The following COPS7B variants were observed in gnomAD, a reference collection of about 807,000 sequenced individuals.
The protein encoded by COPS7B is COP9 signalosome complex subunit 7b.
COPS7B carries 9 observed loss-of-function variants against 33.4 expected under a neutral mutation model. The ratio of observed to expected loss-of-function variants is 0.27; its 90% CI spans 0.16 to 0.47. The LOEUF (loss-of-function observed/expected upper bound fraction) is 0.47. Ranked by LOEUF, COPS7B falls within the 20% of genes least tolerant of loss-of-function variation. COPS7B has a pLI of 0.99. For missense variants in COPS7B, 242 were observed against 318.2 expected (o/e 0.76, Z 1.82); for synonymous variants, 119 against 126.3 (o/e 0.94, Z 0.39).
At chr2:231,784,546 A>T (rs997072560), upstream of COPS7B, among the ~76,000 whole-genome samples, 1 of 152,258 alleles carries the variant, frequency 6.6e-6, no homozygotes, top group Middle Eastern at 3.4e-3. Flanking sequence ...ACATTGTTCT[A>T]GAGGAAGTAG....
chr2:231,789,030 TAGG>T, intron 2 of COPS7B: 1 of 281,716 alleles, frequency 3.5e-6, no homozygotes, highest in Non-Finnish European at 6.8e-6. Context: ...GGCTGTTTAA[TAGG>T]AGTAGATTCA....
chr2:231,781,710 C>T (rs192163215), upstream of COPS7B: 10 of 817,960 alleles, frequency 1.2e-5, no homozygotes, highest in African/African-American at 1.5e-4. Context: ...GTAACTTAGA[C>T]TCCAGTGTGC....
At chr2:231,805,439 TTA>T (rs1321837462) in intron 6 of COPS7B, among the ~76,000 whole-genome samples, 10 of 126,072 alleles carry the variant, frequency 7.9e-5, no homozygotes, top group African/African-American at 3.0e-4. Context: ...ATATTTTTTT[TTA>T]AATTTTATAT....
At chr2:231,796,342 T>G in intron 5 of COPS7B, 34 bp downstream of exon 5, 1 of 1,594,668 alleles carries the variant, frequency 6.3e-7, no homozygotes. Flanking sequence ...ATATCTAGCA[T>G]GTCTTTTGTG....
intron 6 of COPS7B, among the ~76,000 whole-genome samples, chr2:231,805,468 A>ATT (rs2049868428): frequency 7.9e-6 from 1 of 126,922 alleles, no homozygotes; most frequent in African/African-American, 2.9e-5. Context: ...ATATATATAT[A>ATT]TTTATATATT....
chr2:231,805,446 T>TA (rs1559377976), intron 6 of COPS7B, among the ~76,000 whole-genome samples: 40 of 138,732 alleles, frequency 2.9e-4, no homozygotes, highest in African/African-American at 9.9e-4. Flanking sequence ...TTTTTAAATT[T>TA]TATATATATA....
rs143808844 is a variant in COPS7B at position 231,800,212 on chromosome 2, G to A, written c.636+1248G>A. On this transcript the variant is annotated intron_variant, in intron 6 of 6. Transcript: ENST00000350033. ...TGAGAGACCGAGGAGGAAGTATTGCGTGAGTCCAGGAGTTCGAGACCAGCC... is the reference window on the plus strand; with the variant it reads ...TGAGAGACCGAGGAGGAAGTATTGCATGAGTCCAGGAGTTCGAGACCAGCC... 1.9e-3 allele frequency among the ~76,000 whole-genome samples: 294 copies of A among 152,292 alleles called. 3 individuals are homozygous for A. The highest frequency in any genetic ancestry group is 6.6e-3 in the African/African-American group (273 of 41,558).
intron 3 of COPS7B, chr2:231,792,059 A>AT (rs1411112406): frequency 1.6e-6 from 1 of 643,862 alleles, no homozygotes; most frequent in Non-Finnish European, 3.0e-6. Context: ...TCCAGATGAG[A>AT]TTCTTGAGGA....
chr2:231,800,718 G>C (rs1183016311), intron 6 of COPS7B, among the ~76,000 whole-genome samples: 15 of 152,196 alleles, frequency 9.9e-5, no homozygotes. Flanking sequence ...AGAGCCTGGT[G>C]CTGCCAGCAG....
intron 1 of COPS7B, among the ~76,000 whole-genome samples, chr2:231,786,802 G>C (rs2049260323): frequency 6.6e-6 from 1 of 152,116 alleles, no homozygotes; most frequent in Non-Finnish European, 1.5e-5. Context: ...CTGCTCGTTT[G>C]CCCCTCTCCA....
chr2:231,805,469 T>TA, intron 6 of COPS7B, among the ~76,000 whole-genome samples: 1 of 146,566 alleles, frequency 6.8e-6, no homozygotes, highest in African/African-American at 2.5e-5. Flanking sequence ...TATATATATA[T>TA]TTATATATTT....
At chr2:231,795,470 T>C (rs1229492631) in intron 4 of COPS7B, among the ~76,000 whole-genome samples, 1 of 152,218 alleles carries the variant, frequency 6.6e-6, no homozygotes, top group African/African-American at 2.4e-5. Flanking sequence ...TATTTTGTTG[T>C]GAAATGAGGA....
At chr2:231,801,240 A>G (rs1012824228) in intron 6 of COPS7B, 2 of 1,550,258 alleles carry the variant, frequency 1.3e-6, no homozygotes, top group Non-Finnish European at 1.7e-6. Flanking sequence ...CTCCTTCTTA[A>G]TGAAGTCAGC....
intron 3 of COPS7B, 126 bp from the exon 4 acceptor site, chr2:231,794,137 A>G (rs1185602242): frequency 3.3e-6 from 2 of 609,300 alleles, no homozygotes; most frequent in East Asian, 2.9e-5. Flanking sequence ...TGTCAAATGA[A>G]TAAGTGCAAA....
In COPS7B at chr2:231,796,275, A is replaced by G. The variant is rs2049567965; in HGVS notation, c.497A>G (p.Asp166Gly). The change falls in exon 5 of 7, where the codon GAT becomes GGT. Residue 166 changes from aspartate (D) to glycine (G), a missense_variant. Asp to Gly is a moderately conservative substitution (Grantham distance 94). Coordinates refer to ENST00000350033, the MANE Select transcript of COPS7B (RefSeq NM_022730.4). ...ATTGGCCGTGACATCCGAAAGAAGGATATCAATAATATTGTCAAGACCCTG... is the reference window on the plus strand; with the variant it reads ...ATTGGCCGTGACATCCGAAAGAAGGGTATCAATAATATTGTCAAGACCCTG... ...FCIGRDIRKKDINNIVKTLHE... is the reference protein window; with the variant it reads ...FCIGRDIRKKGINNIVKTLHE... The G allele has an allele frequency of 1.2e-6, 2 of 1,614,078 alleles. No homozygotes were observed. The highest frequency in any genetic ancestry group is 1.7e-6 in the Non-Finnish European group (2 of 1,180,038).
chr2:231,799,960 A>C (rs1177152137), intron 6 of COPS7B, among the ~76,000 whole-genome samples: 1 of 152,212 alleles, frequency 6.6e-6, no homozygotes, highest in East Asian at 1.9e-4. Context: ...AACCCATAGT[A>C]GGTACTCAAA....
chr2:231,801,701 C>T (rs964740348), intron 6 of COPS7B, among the ~76,000 whole-genome samples: 2 of 151,104 alleles, frequency 1.3e-5, no homozygotes. Context: ...CGCCTAACCT[C>T]AAGCTATCCT....
At chr2:231,788,771 A>ACT (rs3830626) in intron 2 of COPS7B, 39 bp downstream of exon 2, 363,325 of 1,579,006 alleles carry the variant, frequency 0.23, 43,566 homozygotes, top group Non-Finnish European at 0.24. Context: ...TTATTCTAAG[A>ACT]CTCTGTAATT....
At chr2:231,802,495 A>G (rs930621202) in intron 6 of COPS7B, among the ~76,000 whole-genome samples, 3 of 152,230 alleles carry the variant, frequency 2.0e-5, no homozygotes, top group Non-Finnish European at 4.4e-5. Context: ...TAGCAGTGCA[A>G]TCTTACTTGA....
Sources: gnomAD v4.1 joint callset for allele counts (sites outside exome capture counted in the v4.1 genomes callset) on GRCh38, gnomAD v4.1.1 for gene constraint, MANE v1.5 for transcripts, NCBI Gene and HGNC (gene_info 2026-07-23, HGNC 2026-07-21) for gene names.